Variants in CSMD1 observed in about 807,000 individuals in gnomAD.
The protein encoded by CSMD1 is CUB and sushi domain-containing protein 1.
CSMD1 carries 213 observed loss-of-function variants against 417.5 expected under a neutral mutation model. The ratio of observed to expected loss-of-function variants is 0.51; its 90% CI spans 0.46 to 0.57. The LOEUF (loss-of-function observed/expected upper bound fraction) is 0.57. Ranked by LOEUF, CSMD1 falls within the 20% of genes least tolerant of loss-of-function variation. The pLI is 0.00. For synonymous variants in CSMD1, 2,862 were observed against 1,736.8 expected, an observed-to-expected ratio of 1.65 and a Z score of -16.11; for missense variants, 6,923 against 4,529.7, an observed-to-expected ratio of 1.53 and a Z score of -15.17.
At chr8:3,289,865 C>T (rs1001701701) in intron 25 of CSMD1, among the ~76,000 whole-genome samples, 3 of 147,450 alleles carry the variant, frequency 2.0e-5, no homozygotes, top group Non-Finnish European at 2.9e-5. Flanking sequence ...CTTTTGTTGC[C>T]ATTGCTTTTG....
chr8:4,598,447 T>C (rs539591577), intron 2 of CSMD1, among the ~76,000 whole-genome samples: 1 of 152,178 alleles, frequency 6.6e-6, no homozygotes, highest in Non-Finnish European at 1.5e-5. Context: ...AGGCATGAAA[T>C]CTGAGTTATT....
intron 33 of CSMD1, among the ~76,000 whole-genome samples, chr8:3,195,029 A>G (rs1796625938): frequency 6.6e-6 from 1 of 152,250 alleles, no homozygotes; most frequent in African/African-American, 2.4e-5. Context: ...TAAAATGTAC[A>G]GTAAATCCTT....
intron 8 of CSMD1, among the ~76,000 whole-genome samples, chr8:3,588,440 C>T (rs968274820): frequency 6.6e-6 from 1 of 152,144 alleles, no homozygotes; most frequent in East Asian, 1.9e-4. Context: ...TAACCTGAGG[C>T]ACTGATATTC....
At chr8:3,171,397 C>A (rs1001200461) in intron 37 of CSMD1, among the ~76,000 whole-genome samples, 2 of 152,156 alleles carry the variant, frequency 1.3e-5, no homozygotes, top group Admixed American at 6.5e-5. Flanking sequence ...CTTTACTCAC[C>A]ACCCATCTCA....
intron 30 of CSMD1, among the ~76,000 whole-genome samples, chr8:3,207,155 T>C (rs1286789618): frequency 1.3e-5 from 1 of 78,784 alleles, no homozygotes; most frequent in African/African-American, 5.0e-5. Context: ...CATTTTCTTT[T>C]TTTTTTTTTG....
At chr8:3,791,582 G>C (rs550147357) in intron 5 of CSMD1, among the ~76,000 whole-genome samples, 4 of 152,182 alleles carry the variant, frequency 2.6e-5, no homozygotes, top group African/African-American at 7.2e-5. Flanking sequence ...CCAGCACTTT[G>C]GGAGGCCTAG....
chr8:3,578,867 G>A (rs1004744577), intron 9 of CSMD1, among the ~76,000 whole-genome samples: 1 of 152,190 alleles, frequency 6.6e-6, no homozygotes, highest in Non-Finnish European at 1.5e-5. Flanking sequence ...AGTAACTACA[G>A]TATACCAGTG....
chr8:4,141,141 C>A (rs1390673307), intron 3 of CSMD1, among the ~76,000 whole-genome samples: 2 of 151,234 alleles, frequency 1.3e-5, no homozygotes, highest in African/African-American at 2.5e-5. Context: ...CAAGAGAGCT[C>A]CAATAAGTAA....
At chr8:4,541,748 A>ATAAG (rs1430680907) in intron 2 of CSMD1, among the ~76,000 whole-genome samples, 4 of 152,250 alleles carry the variant, frequency 2.6e-5, no homozygotes, top group African/African-American at 9.6e-5. Context: ...AAATAAATAA[A>ATAAG]TAAGATAAAG....
chr8:3,512,742 G>C (rs1002951687), intron 10 of CSMD1, among the ~76,000 whole-genome samples: 3 of 151,948 alleles, frequency 2.0e-5, no homozygotes, highest in Non-Finnish European at 4.4e-5. Flanking sequence ...CCAAGTAGCT[G>C]GGACTATAGG....
At chr8:3,465,401 G>A (rs961566014) in intron 12 of CSMD1, among the ~76,000 whole-genome samples, 11 of 152,108 alleles carry the variant, frequency 7.2e-5, no homozygotes, top group African/African-American at 2.2e-4. Context: ...CCAAGCCTAC[G>A]AGCCCGGGAA....
rs190420696 is a variant in CSMD1, at chr8:4,243,261, C to G, written c.415+176692G>C. Among the ~76,000 whole-genome samples, 225 of 152,264 alleles carry G rather than the reference C, an allele frequency of 1.5e-3. 2 individuals carry two copies. Among genetic ancestry groups the G allele is most frequent in the African/African-American group, 4.9e-3 (203 of 41,552 alleles). On this transcript the variant is annotated intron_variant, in intron 3 of 69. Coordinates refer to ENST00000635120, the MANE Select transcript of CSMD1 (RefSeq NM_033225.6). Reference sequence around the variant, plus strand: ...GGGAGATCACCAGCTCAGGTATTTTCTTACCTAGTCTCATGAACTAGGTCT... The same window carrying G: ...GGGAGATCACCAGCTCAGGTATTTTGTTACCTAGTCTCATGAACTAGGTCT...
At chr8:4,969,803 A>C (rs1011172039) in intron 1 of CSMD1, among the ~76,000 whole-genome samples, 3 of 151,960 alleles carry the variant, frequency 2.0e-5, no homozygotes, top group Non-Finnish European at 4.4e-5. Flanking sequence ...AACACTACCT[A>C]ATTTAATTGT....
At chr8:4,412,527 G>A (rs577672655) in intron 3 of CSMD1, among the ~76,000 whole-genome samples, 20 of 152,132 alleles carry the variant, frequency 1.3e-4, no homozygotes, top group Admixed American at 6.5e-4. Context: ...CTATTTTATC[G>A]GAAAATTACC....
intron 3 of CSMD1, among the ~76,000 whole-genome samples, chr8:4,094,245 A>G (rs1434955639): frequency 6.6e-6 from 1 of 151,944 alleles, no homozygotes; most frequent in Non-Finnish European, 1.5e-5. Context: ...GGACAAGTTG[A>G]CTGTTTGTAA....
chr8:4,057,350 C>T (rs1798748601), intron 3 of CSMD1, among the ~76,000 whole-genome samples: 1 of 152,182 alleles, frequency 6.6e-6, no homozygotes, highest in East Asian at 1.9e-4. Context: ...AGTGTCTGTT[C>T]ATGTCCTTCG....
intron 4 of CSMD1, among the ~76,000 whole-genome samples, chr8:4,030,906 C>A (rs150996546): frequency 0.044 from 6,737 of 152,270 alleles, 519 homozygotes; most frequent in African/African-American, 0.15. Flanking sequence ...AGTTCCACAA[C>A]TCTCTAGGGC....
At chr8:3,991,060 T>C (rs1187073073) in intron 5 of CSMD1, among the ~76,000 whole-genome samples, 1 of 152,208 alleles carries the variant, frequency 6.6e-6, no homozygotes, top group Non-Finnish European at 1.5e-5. Flanking sequence ...CTGCAGCATC[T>C]TTCCCAGAAA....
chr8:3,656,355 G>A (rs147202982), intron 7 of CSMD1, among the ~76,000 whole-genome samples: 7 of 152,208 alleles, frequency 4.6e-5, no homozygotes, highest in African/African-American at 9.6e-5. Flanking sequence ...TTTCCAGCGC[G>A]GCTGTTTATT....
Sources: gnomAD v4.1 joint callset for allele counts (sites outside exome capture counted in the v4.1 genomes callset) on GRCh38, gnomAD v4.1.1 for gene constraint, MANE v1.5 for transcripts, NCBI Gene and HGNC (gene_info 2026-07-23, HGNC 2026-07-21) for gene names.